Variants in TTC39B observed in about 807,000 individuals in gnomAD.
The protein encoded by TTC39B is tetratricopeptide repeat domain 39B.
TTC39B carries 92 observed loss-of-function variants against 96.6 expected under a neutral mutation model. The ratio of observed to expected loss-of-function variants is 0.95; its 90% CI spans 0.80 to 1.13. The LOEUF (loss-of-function observed/expected upper bound fraction) is 1.13, where lower values mean the gene tolerates loss of function less well. Ranked by LOEUF, TTC39B falls within the 50% of genes most tolerant of loss-of-function variation. TTC39B has a pLI of 0.00. For missense variants in TTC39B, 955 were observed against 809.3 expected, an observed-to-expected ratio of 1.18 and a Z score of -2.18; for synonymous variants, 367 against 299.4, an observed-to-expected ratio of 1.23 and a Z score of -2.33.
In TTC39B at chr9:15,199,860, C is replaced by T; in HGVS notation, c.824+1G>A. On this transcript the variant is annotated splice_donor_variant, in intron 8 of 19. Coordinates refer to ENST00000512701, the Ensembl canonical transcript of TTC39B. LOFTEE classifies it high-confidence loss of function. ...AAACCACATCTTACTTTTTAACTTA[C>T]TTATATATTTGGTAACTTGTTCTAA... The T allele has an allele frequency of 1.4e-6, 2 of 1,418,572 alleles. No individual in the cohort carries two copies. Among genetic ancestry groups the T allele is most frequent in the Non-Finnish European group, 1.9e-6 (2 of 1,036,648 alleles). The allele number at this position is 1,418,572 out of a possible 1,614,324, so 87.9% of individuals were successfully genotyped here. A position where few individuals can be genotyped will look rare whatever the true frequency, so the allele number is the denominator to read the frequency against.
chr9:15,307,117 G>A (rs768572558), exon 1 of TTC39B: 2 of 1,610,508 alleles, frequency 1.2e-6, no homozygotes, highest in African/African-American at 1.3e-5. Flanking sequence ...GGCTGCCTAA[G>A]AGCGCCATAT....
chr9:15,285,331 T>C (rs7035671), intron 1 of TTC39B, among the ~76,000 whole-genome samples: 115,041 of 151,762 alleles, frequency 0.76, 44,310 homozygotes, highest in East Asian at 0.91. Flanking sequence ...ACTTTCAGTC[T>C]CTAGACAACT....
intron 8 of TTC39B, among the ~76,000 whole-genome samples, chr9:15,198,342 A>G (rs1037064753): frequency 6.6e-6 from 1 of 151,870 alleles, no homozygotes; most frequent in African/African-American, 2.4e-5. Flanking sequence ...CTGTAGTCCT[A>G]GCTGCTCGGG....
intron 8 of TTC39B, among the ~76,000 whole-genome samples, chr9:15,193,237 A>C (rs1818962433): frequency 6.6e-6 from 1 of 152,254 alleles, no homozygotes; most frequent in South Asian, 2.1e-4. Flanking sequence ...TGCTCCAGCC[A>C]TGAAAATCTT....
chr9:15,230,348 A>G (rs1821353352), intron 2 of TTC39B, among the ~76,000 whole-genome samples: 1 of 152,194 alleles, frequency 6.6e-6, no homozygotes. Flanking sequence ...TTTTGTCACC[A>G]AAATGTATCC....
At chr9:15,251,731 A>ATATATG (rs1563764612) in intron 2 of TTC39B, among the ~76,000 whole-genome samples, 4 of 126,944 alleles carry the variant, frequency 3.2e-5, no homozygotes, top group African/African-American at 1.3e-4. Flanking sequence ...ATATATATAT[A>ATATATG]TATATGTAGT....
chr9:15,175,476 T>TA (rs1191682177), intron 18 of TTC39B, among the ~76,000 whole-genome samples: 25 of 152,082 alleles, frequency 1.6e-4, no homozygotes, highest in Admixed American at 9.2e-4. Context: ...CATTTAGAAA[T>TA]AAGAAAGTTG....
intron 1 of TTC39B, among the ~76,000 whole-genome samples, chr9:15,276,701 T>C (rs1279452022): frequency 6.6e-6 from 1 of 152,124 alleles, no homozygotes. Flanking sequence ...GGCTTGGAGG[T>C]TAGACCTGTC....
intron 4 of TTC39B, among the ~76,000 whole-genome samples, chr9:15,213,341 G>A (rs1408819459): frequency 1.3e-5 from 2 of 152,118 alleles, no homozygotes; most frequent in Non-Finnish European, 2.9e-5. Context: ...CTTCATTATC[G>A]ATTTCATCAT....
At chr9:15,177,867 A>G in intron 17 of TTC39B, 53 bp from the exon 18 acceptor site, 2 of 951,122 alleles carry the variant, frequency 2.1e-6, no homozygotes, top group Non-Finnish European at 3.1e-6. Context: ...ACTTTTTAAG[A>G]TCTTTTTTTT....
At chr9:15,201,229 A>T (rs1185115080) in intron 7 of TTC39B, among the ~76,000 whole-genome samples, 1 of 152,114 alleles carries the variant, frequency 6.6e-6, no homozygotes, top group Non-Finnish European at 1.5e-5. Flanking sequence ...CAACCAGAAA[A>T]GAATTTCTTA....
chr9:15,237,259 G>A lies in TTC39B; in HGVS notation c.276-11247C>T, dbSNP rs981254204. ...GAACCCGGGAGGCGGAGGTTGCAGTGAGCCAAGATCATGCCACTGTATTCT... is the reference window on the plus strand; with the variant it reads ...GAACCCGGGAGGCGGAGGTTGCAGTAAGCCAAGATCATGCCACTGTATTCT... On this transcript the variant is annotated intron_variant, in intron 2 of 19. Coordinates refer to ENST00000512701, the Ensembl canonical transcript of TTC39B. Among the ~76,000 whole-genome samples the A allele has an allele frequency of 2.4e-4, 36 of 152,186 alleles. 1 individual carries two copies. The highest frequency in any genetic ancestry group is 1.2e-4 in the Non-Finnish European group (8 of 68,040).
intron 6 of TTC39B, among the ~76,000 whole-genome samples, chr9:15,204,271 G>C (rs1467087737): frequency 6.6e-6 from 1 of 152,228 alleles, no homozygotes; most frequent in Non-Finnish European, 1.5e-5. Flanking sequence ...GTTTACGCCT[G>C]TAATCCCAGC....
intron 2 of TTC39B, among the ~76,000 whole-genome samples, chr9:15,263,613 A>G (rs1439950012): frequency 6.6e-6 from 1 of 152,224 alleles, no homozygotes; most frequent in African/African-American, 2.4e-5. Flanking sequence ...CCCCCTTACA[A>G]TACCTCTCAG....
Position 15,207,983 on chromosome 9 carries a change from C to CAAA in TTC39B, c.691+2102_691+2104dup, listed in dbSNP as rs531829809. Among the ~76,000 whole-genome samples the CAAA allele has an allele frequency of 2.0e-3, 170 of 84,556 alleles. 8 individuals are homozygous for CAAA. The highest frequency in any genetic ancestry group is 7.7e-3 in the African/African-American group (164 of 21,222). The allele number at this position is 84,556 out of a possible 152,430, so 55.5% of individuals were successfully genotyped here. On this transcript the variant is annotated intron_variant, in intron 6 of 19. Coordinates refer to ENST00000512701, the Ensembl canonical transcript of TTC39B. ...TGGGCAACAGAGTGAGACTTGGTCT[C>CAAA]AAAAAAAAAAAAAAAAAAAAAGGAG...
chr9:15,210,585 G>C (rs1226596927), intron 5 of TTC39B, among the ~76,000 whole-genome samples: 2 of 152,168 alleles, frequency 1.3e-5, no homozygotes, highest in African/African-American at 4.8e-5. Context: ...TTAACCTTCT[G>C]ATCATGAACC....
At chr9:15,239,248 T>C (rs938012655) in intron 2 of TTC39B, among the ~76,000 whole-genome samples, 1 of 152,080 alleles carries the variant, frequency 6.6e-6, no homozygotes, top group Non-Finnish European at 1.5e-5. Flanking sequence ...TGGCTATTAT[T>C]AAAAAATCAA....
intron 2 of TTC39B, among the ~76,000 whole-genome samples, chr9:15,228,357 A>G (rs573349810): frequency 6.6e-6 from 1 of 152,270 alleles, no homozygotes; most frequent in African/African-American, 2.4e-5. Flanking sequence ...CGAGCTACTC[A>G]GGAGGCTGAG....
At chr9:15,237,613 T>A (rs1393810715) in intron 2 of TTC39B, among the ~76,000 whole-genome samples, 1 of 140,920 alleles carries the variant, frequency 7.1e-6, no homozygotes, top group Non-Finnish European at 1.5e-5. Context: ...AGACCAATAA[T>A]AAGTAAGTAA....
Sources: allele counts gnomAD v4.1 joint callset (sites outside exome capture counted in the v4.1 genomes callset), GRCh38; gene constraint gnomAD v4.1.1; transcripts MANE v1.5; gene names NCBI Gene and HGNC (gene_info 2026-07-23, HGNC 2026-07-21).